Variants in MGST1 observed in about 807,000 individuals in gnomAD.
MGST1 encodes the protein microsomal glutathione S-transferase 1.
A neutral mutation model predicts 8.9 loss-of-function variants in MGST1; 5 were observed. The observed-to-expected ratio is 0.56, with a 90% CI of 0.29 to 1.19. The LOEUF (loss-of-function observed/expected upper bound fraction) is 1.19, where lower values mean the gene tolerates loss of function less well. MGST1 is among the 50% of genes most tolerant of loss of function. The pLI is 0.08. For missense variants in MGST1, 182 were observed against 187.4 expected, an observed-to-expected ratio of 0.97 and a Z score of 0.17; for synonymous variants, 54 against 67.8, an observed-to-expected ratio of 0.80 and a Z score of 1.00.
At chr12:16,404,171 T>G (rs370512242) in intron 1 of MGST1, among the ~76,000 whole-genome samples, 2 of 152,194 alleles carry the variant, frequency 1.3e-5, no homozygotes, top group South Asian at 4.1e-4. Flanking sequence ...GAATTGTACC[T>G]TTTGTCCTAA....
intron 1 of MGST1, among the ~76,000 whole-genome samples, chr12:16,417,058 T>C (rs1332861219): frequency 6.6e-6 from 1 of 152,188 alleles, no homozygotes; most frequent in Admixed American, 6.5e-5. Context: ...TTTTTTGTAG[T>C]CTTACTTTGT....
chr12:16,387,341 T>G (rs1940512497), intron 1 of MGST1, among the ~76,000 whole-genome samples: 1 of 152,146 alleles, frequency 6.6e-6, no homozygotes, highest in African/African-American at 2.4e-5. Context: ...AACATTATAG[T>G]GCAAAGCATT....
At chr12:16,387,798 T>A (rs1940517990) in intron 1 of MGST1, among the ~76,000 whole-genome samples, 1 of 151,904 alleles carries the variant, frequency 6.6e-6, no homozygotes, top group Non-Finnish European at 1.5e-5. Flanking sequence ...AGTGCTGGAT[T>A]ACAGGCGTGA....
chr12:16,451,876 A>G (rs1160638927), intron 4 of MGST1, among the ~76,000 whole-genome samples: 2 of 151,832 alleles, frequency 1.3e-5, no homozygotes, highest in South Asian at 2.1e-4. Context: ...CCTAGTATTT[A>G]TGTTTTAGGC....
In MGST1 at chr12:16,586,430, C is replaced by T. The variant is rs1400272518; in HGVS notation, n.483-3098C>T. 6.6e-6 allele frequency among the ~76,000 whole-genome samples: 1 copy of T among 152,116 alleles called. No homozygotes were observed. The highest frequency in any genetic ancestry group is 1.9e-4 in the East Asian group (1 of 5,188). On this transcript the variant is annotated intron_variant and non_coding_transcript_variant, in intron 4 of 4. Coordinates refer to the MGST1 transcript ENST00000538857. This position sits in a 1 kb window ranked among gnomAD's most constrained non-coding sequence, Gnocchi z 4.3. ...CCCAGCAAGGCTTTCTGGTTCTCCT[C>T]CAACACACAGCTGAGTCACAGAGGC...
chr12:16,442,377 A>G (rs1350150140), downstream of MGST1, among the ~76,000 whole-genome samples: 2 of 151,884 alleles, frequency 1.3e-5, no homozygotes, highest in Non-Finnish European at 2.9e-5. The surrounding 1 kb of genome is among the most constrained non-coding windows in gnomAD (Gnocchi z 4.5). Flanking sequence ...TGTATCTAAA[A>G]TGTCATCACG....
chr12:16,461,899 A>C (rs1481432620), intron 4 of MGST1, among the ~76,000 whole-genome samples: 5 of 152,136 alleles, frequency 3.3e-5, no homozygotes, highest in African/African-American at 1.2e-4. Context: ...TTGGTTTACC[A>C]AGATGATTAG....
In MGST1 at chr12:16,413,042, AC is replaced by A. The variant is rs1386242041; in HGVS notation, n.779-24342del. Among the ~76,000 whole-genome samples, 1 of 152,058 alleles carries A rather than the reference AC, an allele frequency of 6.6e-6. No homozygotes were observed. Among genetic ancestry groups the A allele is most frequent in the African/African-American group, 2.4e-5 (1 of 41,392 alleles). On this transcript the variant is annotated intron_variant and non_coding_transcript_variant, in intron 1 of 1. Transcript: ENST00000359720. The surrounding 1 kb of genome is among the most constrained non-coding windows in gnomAD (Gnocchi z 4.0). ...AAGAGAGTAGGGAACTCCTCAGTCCACCCCACCTGTCCTGGATGGTGATAGT... is the reference window on the plus strand; with the variant it reads ...AAGAGAGTAGGGAACTCCTCAGTCCACCCACCTGTCCTGGATGGTGATAGT...
chr12:16,366,004 C>A (rs974025413), downstream of MGST1, among the ~76,000 whole-genome samples: 1 of 152,166 alleles, frequency 6.6e-6, no homozygotes, highest in Non-Finnish European at 1.5e-5. The surrounding 1 kb of genome is among the most constrained non-coding windows in gnomAD (Gnocchi z 4.0). Context: ...ACCATTATCA[C>A]GTCTTTCATC....
At chr12:16,475,149 C>T (rs1461549003) in intron 4 of MGST1, among the ~76,000 whole-genome samples, 2 of 152,074 alleles carry the variant, frequency 1.3e-5, no homozygotes, top group African/African-American at 4.8e-5. Flanking sequence ...TTTGCAAGAC[C>T]ATGTAAAACA....
At chr12:16,505,629 T>G in intron 4 of MGST1, among the ~76,000 whole-genome samples, 1 of 152,202 alleles carries the variant, frequency 6.6e-6, no homozygotes, top group East Asian at 1.9e-4. Flanking sequence ...TACCTGCTGT[T>G]ATATTAATTG....
At chr12:16,565,701 A>G (rs1006801496) in intron 4 of MGST1, among the ~76,000 whole-genome samples, 3 of 151,948 alleles carry the variant, frequency 2.0e-5, no homozygotes, top group African/African-American at 4.8e-5. Context: ...CCTGAAGTTA[A>G]GATTAAAAGG....
Position 16,413,700 on chromosome 12 carries a change from G to A in MGST1, n.779-23688G>A, listed in dbSNP as rs1251460781. On this transcript the variant is annotated intron_variant and non_coding_transcript_variant, in intron 1 of 1. Coordinates refer to the MGST1 transcript ENST00000359720. The surrounding 1 kb of genome is among the most constrained non-coding windows in gnomAD (Gnocchi z 4.0). ...AAGTGTCGGTTATCCCTTCTTTTTGGGATAAACCACTATAGTTTGTATTCT... is the reference window on the plus strand; with the variant it reads ...AAGTGTCGGTTATCCCTTCTTTTTGAGATAAACCACTATAGTTTGTATTCT... Among the ~76,000 whole-genome samples the A allele has an allele frequency of 6.6e-6, 1 of 151,748 alleles. No homozygotes were observed. The highest frequency in any genetic ancestry group is 1.5e-5 in the Non-Finnish European group (1 of 67,942).
At chr12:16,570,467 A>T (rs1236141433) in intron 4 of MGST1, among the ~76,000 whole-genome samples, 2 of 152,154 alleles carry the variant, frequency 1.3e-5, no homozygotes, top group Non-Finnish European at 2.9e-5. Context: ...GAAAAGAAAA[A>T]TAAAGAAAAT....
At chr12:16,512,133 A>G (rs1265788645) in intron 4 of MGST1, among the ~76,000 whole-genome samples, 1 of 152,032 alleles carries the variant, frequency 6.6e-6, no homozygotes. Context: ...ATATTTTTAG[A>G]TTGCTAGTTC....
chr12:16,523,653 C>T (rs1163609870), intron 4 of MGST1, among the ~76,000 whole-genome samples: 2 of 152,064 alleles, frequency 1.3e-5, no homozygotes, highest in Admixed American at 6.6e-5. Context: ...TAAAAAATGA[C>T]TATCCATTCT....
intron 4 of MGST1, among the ~76,000 whole-genome samples, chr12:16,512,380 T>G (rs1268402042): frequency 6.6e-6 from 1 of 152,190 alleles, no homozygotes; most frequent in Admixed American, 6.5e-5. Flanking sequence ...AATTACAAAA[T>G]TTTTAGATAA....
intron 1 of MGST1, among the ~76,000 whole-genome samples, chr12:16,435,358 A>G (rs1940975657): frequency 6.6e-6 from 1 of 151,962 alleles, no homozygotes; most frequent in Non-Finnish European, 1.5e-5. Flanking sequence ...CTTTTGCAGT[A>G]TTACTACTAA....
chr12:16,533,470 G>A (rs1941735048), intron 4 of MGST1, among the ~76,000 whole-genome samples: 1 of 152,062 alleles, frequency 6.6e-6, no homozygotes, highest in African/African-American at 2.4e-5. Flanking sequence ...ACTGTAAATT[G>A]AGCCTTGCTT....
Sources: gnomAD v4.1 joint callset for allele counts (sites outside exome capture counted in the v4.1 genomes callset) on GRCh38, gnomAD v4.1.1 for gene constraint, Gnocchi (gnomAD v3.1) non-coding constraint, MANE v1.5 for transcripts, NCBI Gene and HGNC (gene_info 2026-07-23, HGNC 2026-07-21) for gene names.